PRKG1: variants seen among roughly 807,000 people sequenced by gnomAD.
PRKG1 encodes cGMP-dependent protein kinase 1.
Under a neutral mutation model 88.1 loss-of-function variants are expected in PRKG1, and 35 were observed. The observed-to-expected ratio is 0.40, with a 90% CI of 0.30 to 0.53. PRKG1 has a LOEUF of 0.53. PRKG1 is among the 20% of genes least tolerant of loss of function. The pLI is 0.59. For synonymous variants in PRKG1, 303 were observed against 292.5 expected (o/e 1.04, Z -0.37); for missense variants, 540 against 839.8 (o/e 0.64, Z 4.41).
intron 2 of PRKG1, among the ~76,000 whole-genome samples, chr10:51,224,365 A>G (rs1449308423): frequency 6.6e-6 from 1 of 152,166 alleles, no homozygotes; most frequent in Non-Finnish European, 1.5e-5. Flanking sequence ...CATCCTAACG[A>G]TCTCTTCAGC....
intron 2 of PRKG1, among the ~76,000 whole-genome samples, chr10:51,212,289 T>G (rs1838243833): frequency 6.6e-6 from 1 of 151,938 alleles, no homozygotes; most frequent in Non-Finnish European, 1.5e-5. Context: ...CTGGATCCCT[T>G]CCTTACACCT....
chr10:51,481,442 T>G (rs2132848173), intron 3 of PRKG1, among the ~76,000 whole-genome samples: 1 of 152,200 alleles, frequency 6.6e-6, no homozygotes, highest in Non-Finnish European at 1.5e-5. Flanking sequence ...AAAGACAAGG[T>G]TTCGCCATGT....
chr10:51,204,975 T>A (rs878952297), intron 2 of PRKG1, among the ~76,000 whole-genome samples: 1 of 152,062 alleles, frequency 6.6e-6, no homozygotes, highest in South Asian at 2.1e-4. Flanking sequence ...TACTTTCCCA[T>A]GCTGTTGGAT....
chr10:51,194,462 T>C (rs1268455018), intron 2 of PRKG1, among the ~76,000 whole-genome samples: 5 of 152,052 alleles, frequency 3.3e-5, no homozygotes, highest in Non-Finnish European at 5.9e-5. Context: ...TAATGAAGTT[T>C]CTGTGTACAA....
At chr10:51,822,531 T>C (rs1366007066) in intron 4 of PRKG1, among the ~76,000 whole-genome samples, 1 of 152,164 alleles carries the variant, frequency 6.6e-6, no homozygotes, top group East Asian at 1.9e-4. Flanking sequence ...TAGATTGTCT[T>C]GTGCAATTTT....
At chr10:51,283,609 A>C (rs1187441725) in intron 2 of PRKG1, among the ~76,000 whole-genome samples, 1 of 152,168 alleles carries the variant, frequency 6.6e-6, no homozygotes, top group Admixed American at 6.5e-5. Flanking sequence ...TGGTGGGACA[A>C]GACTGGAGGG....
At chr10:51,176,530 T>G (rs1334198241) in intron 2 of PRKG1, among the ~76,000 whole-genome samples, 2 of 152,082 alleles carry the variant, frequency 1.3e-5, no homozygotes, top group Admixed American at 6.6e-5. Flanking sequence ...GGTGTGATGA[T>G]TAAATGTAAC....
intron 3 of PRKG1, among the ~76,000 whole-genome samples, chr10:51,496,497 G>A (rs1042022437): frequency 2.6e-5 from 4 of 152,010 alleles, no homozygotes; most frequent in Middle Eastern, 3.2e-3. Flanking sequence ...ATCACCCTTG[G>A]GCCCTGTTTT....
At chr10:51,649,850 T>C (rs1839997621) in intron 3 of PRKG1, among the ~76,000 whole-genome samples, 1 of 152,200 alleles carries the variant, frequency 6.6e-6, no homozygotes, top group Non-Finnish European at 1.5e-5. Context: ...GCAATCAGTC[T>C]GATTGGTTGC....
intron 5 of PRKG1, among the ~76,000 whole-genome samples, chr10:52,051,422 C>G (rs1845984778): frequency 6.6e-6 from 1 of 152,152 alleles, no homozygotes; most frequent in African/African-American, 2.4e-5. Context: ...CATGGAGAAG[C>G]TCTTGGGAAG....
chr10:51,647,119 G>C (rs1174318908), intron 3 of PRKG1, among the ~76,000 whole-genome samples: 1 of 146,972 alleles, frequency 6.8e-6, no homozygotes. Context: ...TGTTCAGATT[G>C]TTGGAGAGCC....
intron 4 of PRKG1, among the ~76,000 whole-genome samples, chr10:51,859,959 T>C (rs1184417863): frequency 1.3e-5 from 2 of 152,188 alleles, no homozygotes; most frequent in East Asian, 1.9e-4. Context: ...ATACTAATCA[T>C]ATATAGTTCT....
At chr10:51,806,083 A>G (rs1839299486) in intron 4 of PRKG1, among the ~76,000 whole-genome samples, 1 of 152,156 alleles carries the variant, frequency 6.6e-6, no homozygotes, top group Non-Finnish European at 1.5e-5. Flanking sequence ...ATGATGAAAG[A>G]TAGAGACAGA....
chr10:52,235,559 G>C (rs1412375201), intron 9 of PRKG1, among the ~76,000 whole-genome samples: 4 of 146,152 alleles, frequency 2.7e-5, no homozygotes, highest in Non-Finnish European at 3.0e-5. Context: ...AAGATCAAAA[G>C]AGACAAAGAA....
intron 2 of PRKG1, among the ~76,000 whole-genome samples, chr10:51,283,224 AAAAAAC>A (rs1564428214): frequency 6.6e-6 from 1 of 152,128 alleles, no homozygotes; most frequent in African/African-American, 2.4e-5. Context: ...TATAAGGAAA[AAAAAAC>A]AAAAACAAAA....
intron 2 of PRKG1, among the ~76,000 whole-genome samples, chr10:51,279,285 T>C (rs1344531782): frequency 6.6e-6 from 1 of 152,232 alleles, no homozygotes; most frequent in Non-Finnish European, 1.5e-5. Context: ...TTCTTAATCC[T>C]GAGTTCTAGT....
intron 2 of PRKG1, among the ~76,000 whole-genome samples, chr10:51,396,103 G>A (rs903491342): frequency 6.6e-6 from 1 of 152,102 alleles, no homozygotes; most frequent in Non-Finnish European, 1.5e-5. Flanking sequence ...TTCAAGGAGG[G>A]GCCTAGCTGC....
chr10:51,306,995 G>A (rs1177096170), intron 2 of PRKG1, among the ~76,000 whole-genome samples: 1 of 152,126 alleles, frequency 6.6e-6, no homozygotes, highest in Non-Finnish European at 1.5e-5. Context: ...ACACATTTCA[G>A]AAGTGTGAAA....
chr10:52,142,159 A>G (rs912281830), intron 8 of PRKG1, among the ~76,000 whole-genome samples: 1 of 152,178 alleles, frequency 6.6e-6, no homozygotes, highest in African/African-American at 2.4e-5. Flanking sequence ...AAAAATGAGG[A>G]AGGCGAGTCC....
Sources: allele counts gnomAD v4.1 joint callset (sites outside exome capture counted in the v4.1 genomes callset), GRCh38; gene constraint gnomAD v4.1.1; transcripts MANE v1.5; gene names NCBI Gene and HGNC (gene_info 2026-07-23, HGNC 2026-07-21).